The following SGCD variants were observed in gnomAD, a reference collection of about 807,000 sequenced individuals.
SGCD encodes delta-sarcoglycan.
A neutral mutation model predicts 36.6 loss-of-function variants in SGCD; 18 were observed. That is an observed-to-expected ratio of 0.49 (90% CI 0.34 to 0.73). The LOEUF is 0.73. Ranked by LOEUF, SGCD falls within the 30% of genes least tolerant of loss-of-function variation. SGCD has a pLI of 0.01. For synonymous variants in SGCD, 133 were observed against 130.6 expected, an observed-to-expected ratio of 1.02 and a Z score of -0.12; for missense variants, 387 against 346.7, an observed-to-expected ratio of 1.12 and a Z score of -0.92.
intron 3 of SGCD, among the ~76,000 whole-genome samples, chr5:156,346,778 C>T (rs1384734972): frequency 1.3e-5 from 2 of 150,704 alleles, no homozygotes; most frequent in Admixed American, 6.6e-5. Flanking sequence ...TTGGGCTTTA[C>T]TTTATTTTTT....
chr5:156,286,869 G>T (rs1766614442), intron 3 of SGCD, among the ~76,000 whole-genome samples: 2 of 151,994 alleles, frequency 1.3e-5, no homozygotes, highest in South Asian at 2.1e-4. Flanking sequence ...GTCAGTCAGG[G>T]TGTCTGTCAT....
intron 4 of SGCD, among the ~76,000 whole-genome samples, chr5:156,519,729 A>G (rs558373574): frequency 4.8e-4 from 73 of 152,258 alleles, no homozygotes; most frequent in Admixed American, 1.3e-3. Context: ...CAAATCAAAA[A>G]ATATAATTAC....
At chr5:155,880,552 A>G (rs1006851246) in intron 1 of SGCD, among the ~76,000 whole-genome samples, 2 of 152,168 alleles carry the variant, frequency 1.3e-5, no homozygotes, top group African/African-American at 4.8e-5. Flanking sequence ...AGTCAGAGTT[A>G]CTGAGGTATG....
At chr5:156,696,723 T>TG (rs1754331187) in intron 7 of SGCD, among the ~76,000 whole-genome samples, 1 of 152,158 alleles carries the variant, frequency 6.6e-6, no homozygotes, top group African/African-American at 2.4e-5. Context: ...TTGACCAAGC[T>TG]GGTCTGGAAC....
intron 6 of SGCD, among the ~76,000 whole-genome samples, chr5:156,606,106 A>T (rs560503088): frequency 6.6e-6 from 1 of 152,202 alleles, no homozygotes; most frequent in East Asian, 1.9e-4. Flanking sequence ...TGTTTTAGAC[A>T]TGAAGTCCTT....
rs1320597839 is a variant in SGCD, at chr5:156,735,332, T to C, written c.576-22249T>C. Among the ~76,000 whole-genome samples, 4 of 152,132 alleles carry C rather than the reference T, an allele frequency of 2.6e-5. No individual in the cohort carries two copies. In the East Asian group the frequency reaches 5.8e-4, roughly 22 times the overall value. On this transcript the variant is annotated intron_variant, in intron 7 of 8. Coordinates refer to ENST00000337851, the MANE Select transcript of SGCD (RefSeq NM_000337.6). ...CTTGGACTCTCCAAAGCCCAAAGGCTGGAACTACTAAGCCACCCAAACAGC... is the reference window on the plus strand; with the variant it reads ...CTTGGACTCTCCAAAGCCCAAAGGCCGGAACTACTAAGCCACCCAAACAGC...
chr5:156,038,476 A>G (rs530846899), intron 1 of SGCD, among the ~76,000 whole-genome samples: 9 of 152,166 alleles, frequency 5.9e-5, no homozygotes, highest in Non-Finnish European at 1.2e-4. Flanking sequence ...TGAATGCACC[A>G]TGGCTATATA....
At chr5:155,858,344 C>T in the SGCD span, among the ~76,000 whole-genome samples, 1 of 152,154 alleles carries the variant, frequency 6.6e-6, no homozygotes, top group Non-Finnish European at 1.5e-5. Context: ...TTCATGTATA[C>T]ATACATATAT....
intron 3 of SGCD, among the ~76,000 whole-genome samples, chr5:156,292,217 A>G (rs1766775657): frequency 3.9e-5 from 6 of 152,018 alleles, no homozygotes; most frequent in Admixed American, 2.6e-4. Context: ...CATTACTACC[A>G]CTTGTCTCCT....
chr5:156,203,715 T>C (rs934254926), intron 3 of SGCD, among the ~76,000 whole-genome samples: 1 of 152,142 alleles, frequency 6.6e-6, no homozygotes, highest in Non-Finnish European at 1.5e-5. Context: ...TTTTCATCCA[T>C]TAAGACTCTG....
chr5:156,253,734 A>C (rs1765641158), intron 3 of SGCD, among the ~76,000 whole-genome samples: 1 of 152,152 alleles, frequency 6.6e-6, no homozygotes, highest in South Asian at 2.1e-4. Flanking sequence ...AATTCAGTTA[A>C]AGAAGGGAAA....
chr5:155,823,820 T>C, the SGCD span, among the ~76,000 whole-genome samples: 1 of 152,224 alleles, frequency 6.6e-6, no homozygotes, highest in African/African-American at 2.4e-5. Context: ...TTATTATTTC[T>C]AGTTTGCTTG....
rs780004877 is a variant in SGCD at position 156,356,920 on chromosome 5, G to T, written c.192+12243G>T. On this transcript the variant is annotated intron_variant, in intron 3 of 8. Coordinates refer to ENST00000337851, the MANE Select transcript of SGCD (RefSeq NM_000337.6). ...ATAGGACCGCCAATTAAGGAAAGTT[G>T]ATAGCCACTAGAATTGGGAAGAGAC... is the stretch of plus-strand genomic sequence containing the variant. Among the ~76,000 whole-genome samples, 22 of 152,288 alleles carry T rather than the reference G, an allele frequency of 1.4e-4. 1 individual carries two copies. Among genetic ancestry groups the T allele is most frequent in the African/African-American group, 2.4e-5 (1 of 41,560 alleles).
intron 1 of SGCD, among the ~76,000 whole-genome samples, chr5:155,918,497 A>G (rs1393609372): frequency 1.3e-5 from 2 of 152,178 alleles, no homozygotes; most frequent in Non-Finnish European, 2.9e-5. Context: ...TAGGAGGCGG[A>G]GTTTGCAGTG....
chr5:156,077,033 G>A (rs976932684), intron 1 of SGCD, among the ~76,000 whole-genome samples: 1 of 151,982 alleles, frequency 6.6e-6, no homozygotes, highest in South Asian at 2.1e-4. Context: ...TTATATTTGG[G>A]GACAATAAGT....
At chr5:156,337,766 T>A (rs1472085242) in intron 2 of SGCD, among the ~76,000 whole-genome samples, 10 of 152,204 alleles carry the variant, frequency 6.6e-5, no homozygotes, top group Admixed American at 6.5e-4. Flanking sequence ...TATGATCATT[T>A]TCATCCTTTT....
In SGCD at chr5:156,444,138, CCTTCCCTT is replaced by C. The variant is rs143108078; in HGVS notation, c.193-64462_193-64455del. 1.8e-4 allele frequency among the ~76,000 whole-genome samples: 19 copies of C among 108,290 alleles called. 1 individual carries two copies. The highest frequency in any genetic ancestry group is 1.6e-3 in the South Asian group (4 of 2,456). The allele number at this position is 108,290 out of a possible 152,430, so 71.0% of individuals were successfully genotyped here. On this transcript the variant is annotated intron_variant, in intron 3 of 8. Transcript: ENST00000337851. ...TCTCCCCTTCCCTCTCTCTCTCTCT[CCTTCCCTT>C]TCTCTCTCTCCTTCCCTCTCTCTCT...
At chr5:155,782,083 A>G in the SGCD span, among the ~76,000 whole-genome samples, 2 of 147,886 alleles carry the variant, frequency 1.4e-5, no homozygotes, top group African/African-American at 5.0e-5. Context: ...GGAGTGCAGC[A>G]GCACGATCTC....
chr5:156,147,318 C>CCT (rs1219700425), intron 3 of SGCD, among the ~76,000 whole-genome samples: 8 of 152,098 alleles, frequency 5.3e-5, no homozygotes, highest in Admixed American at 5.2e-4. Context: ...GCTTGTTAAG[C>CCT]AATGTCCAAG....
Sources: allele counts gnomAD v4.1 joint callset (sites outside exome capture counted in the v4.1 genomes callset), GRCh38; gene constraint gnomAD v4.1.1; transcripts MANE v1.5; gene names NCBI Gene and HGNC (gene_info 2026-07-23, HGNC 2026-07-21).